Variants in DROSHA observed in about 807,000 individuals in gnomAD.
DROSHA encodes drosha ribonuclease III, also known as ribonuclease 3.
Under a neutral mutation model 181.9 loss-of-function variants are expected in DROSHA, and 56 were observed. The ratio of observed to expected loss-of-function variants is 0.31; its 90% CI spans 0.25 to 0.38. DROSHA has a LOEUF of 0.38. Among genes scored for constraint, DROSHA ranks in the 10% least tolerant of loss-of-function variants. DROSHA has a pLI of 1.00. For synonymous variants in DROSHA, 524 were observed against 591.2 expected, an observed-to-expected ratio of 0.89 and a Z score of 1.65; for missense variants, 1,218 against 1,743.5, an observed-to-expected ratio of 0.70 and a Z score of 5.37.
chr5:31,441,486 T>C (rs942695847), intron 23 of DROSHA, among the ~76,000 whole-genome samples: 1 of 152,210 alleles, frequency 6.6e-6, no homozygotes, highest in Admixed American at 6.5e-5. Context: ...AAGGACTTTT[T>C]TTTGTCGCTA....
chr5:31,499,398 T>G (rs1232788053), intron 11 of DROSHA, among the ~76,000 whole-genome samples: 1 of 152,140 alleles, frequency 6.6e-6, no homozygotes, highest in Non-Finnish European at 1.5e-5. Context: ...TAAGATGGTG[T>G]TTTGGAGCTC....
chr5:31,497,899 C>T (rs576784263), intron 11 of DROSHA, among the ~76,000 whole-genome samples: 8 of 152,348 alleles, frequency 5.3e-5, no homozygotes, highest in African/African-American at 1.9e-4. Flanking sequence ...ACAAGACGAA[C>T]AGCAGACGCA....
At chr5:31,526,940 A>C (rs755426237) in intron 4 of DROSHA, 28 bp from the exon 5 acceptor site, 3 of 1,587,298 alleles carry the variant, frequency 1.9e-6, no homozygotes, top group East Asian at 4.5e-5. Flanking sequence ...AAAAGGGAAA[A>C]GTTTTTTTAA....
chr5:31,515,768 T>C (rs1440454481), intron 6 of DROSHA, among the ~76,000 whole-genome samples: 1 of 152,216 alleles, frequency 6.6e-6, no homozygotes, highest in Non-Finnish European at 1.5e-5. Flanking sequence ...ACTTATGTCA[T>C]CCCTAACTGT....
intron 30 of DROSHA, among the ~76,000 whole-genome samples, chr5:31,415,259 G>C (rs1052342749): frequency 1.3e-5 from 2 of 152,226 alleles, no homozygotes; most frequent in Non-Finnish European, 2.9e-5. Flanking sequence ...TTATTTTGAG[G>C]GCTTAATATA....
intron 16 of DROSHA, among the ~76,000 whole-genome samples, chr5:31,475,444 G>C (rs933413333): frequency 5.3e-5 from 8 of 152,204 alleles, no homozygotes; most frequent in African/African-American, 1.9e-4. Flanking sequence ...CTCTCAGTCT[G>C]AGTCCATGAT....
rs573028264 is a variant in DROSHA, at chr5:31,463,673, A to G, written c.2574+563T>C. ...AAATTCCACCCATAGGAAAAACAAA[A>G]ATGCTTATTAGTCAGTCAGTTACAT... is the stretch of plus-strand genomic sequence containing the variant. On this transcript the variant is annotated intron_variant, in intron 20 of 35. Coordinates refer to ENST00000344624, the MANE Select transcript of DROSHA (RefSeq NM_001382508.1). Among the ~76,000 whole-genome samples the G allele has an allele frequency of 2.6e-5, 4 of 152,316 alleles. No homozygotes were observed. In the South Asian group the frequency reaches 8.3e-4, roughly 32 times the overall value.
intron 19 of DROSHA, among the ~76,000 whole-genome samples, chr5:31,465,237 C>A (rs1373821960): frequency 6.6e-6 from 1 of 152,132 alleles, no homozygotes; most frequent in Non-Finnish European, 1.5e-5. Context: ...CTCCCTGAGA[C>A]AATAATCTAT....
Position 31,401,209 on chromosome 5 carries a change from A to C in DROSHA, c.*223T>G. The C allele has an allele frequency of 2.0e-6, 1 of 510,632 alleles. No individual in the cohort carries two copies. The allele number at this position is 510,632 out of a possible 1,614,324, so 31.6% of individuals were successfully genotyped here. A position where few individuals can be genotyped will look rare whatever the true frequency, so the allele number is the denominator to read the frequency against. ...AAATAAAAGGAAGTAATGCACATTC[A>C]CCAAAGTCAAGTTTTCCGTTAAATA... On this transcript the variant is annotated 3_prime_UTR_variant, in exon 36 of 36. Transcript: ENST00000344624.
chr5:31,517,703 A>G (rs574782417), intron 6 of DROSHA, among the ~76,000 whole-genome samples: 10 of 152,232 alleles, frequency 6.6e-5, no homozygotes. Context: ...TCCTTGCATT[A>G]CTATTTTTCT....
intron 11 of DROSHA, among the ~76,000 whole-genome samples, chr5:31,498,028 G>T (rs542093363): frequency 6.6e-6 from 1 of 152,352 alleles, no homozygotes; most frequent in East Asian, 1.9e-4. Flanking sequence ...GTCCAGGTCA[G>T]TTACCAGGTG....
intron 30 of DROSHA, among the ~76,000 whole-genome samples, chr5:31,412,238 C>T (rs1315506116): frequency 6.6e-6 from 1 of 152,236 alleles, no homozygotes; most frequent in Non-Finnish European, 1.5e-5. Context: ...GGAACATAAT[C>T]ATCCCTGATC....
intron 11 of DROSHA, among the ~76,000 whole-genome samples, chr5:31,501,863 G>C (rs1248586550): frequency 6.6e-6 from 1 of 152,178 alleles, no homozygotes; most frequent in Non-Finnish European, 1.5e-5. Context: ...GCATGCTGTA[G>C]AACCTCACAC....
In DROSHA at chr5:31,527,290, C is replaced by T. The variant is rs564249223; in HGVS notation, c.21-378G>A. 8.5e-5 allele frequency among the ~76,000 whole-genome samples: 13 copies of T among 152,312 alleles called. 1 individual carries two copies. The South Asian group carries it at 2.7e-3, about 32-fold the overall frequency. On this transcript the variant is annotated intron_variant, in intron 4 of 35. Coordinates refer to ENST00000344624, the MANE Select transcript of DROSHA (RefSeq NM_001382508.1). ...ATCAAGGGGGCTTGCCTCCCCAGCCCCCACTCCCATCTCCAAATGCAGATT... is the reference window on the plus strand; with the variant it reads ...ATCAAGGGGGCTTGCCTCCCCAGCCTCCACTCCCATCTCCAAATGCAGATT...
intron 17 of DROSHA, among the ~76,000 whole-genome samples, chr5:31,471,663 A>T (rs567757765): frequency 1.4e-4 from 21 of 152,300 alleles, no homozygotes; most frequent in Admixed American, 4.6e-4. Context: ...AACATTTAGA[A>T]ATCAAAATAA....
intron 27 of DROSHA, among the ~76,000 whole-genome samples, chr5:31,424,687 G>A (rs918480070): frequency 6.6e-6 from 1 of 152,066 alleles, no homozygotes; most frequent in African/African-American, 2.4e-5. Flanking sequence ...AGCTACGGGG[G>A]AAAAGAGCCT....
At chr5:31,431,228 CTGTT>C (rs757101375) in intron 26 of DROSHA, among the ~76,000 whole-genome samples, 2 of 152,098 alleles carry the variant, frequency 1.3e-5, no homozygotes, top group South Asian at 2.1e-4. Flanking sequence ...GCAACCTAAT[CTGTT>C]TGTTTATGTA....
intron 15 of DROSHA, among the ~76,000 whole-genome samples, chr5:31,484,380 CAAAAAAAAAAAAAAA>C (rs377304788): frequency 1.2e-4 from 10 of 82,986 alleles, no homozygotes; most frequent in East Asian, 3.1e-4. Flanking sequence ...GACTCCGTCT[CAAAAAAAAAAAAAAA>C]AAAAAAAAAA....
Position 31,518,295 on chromosome 5 carries a change from C to T in DROSHA, c.948-2731G>A, listed in dbSNP as rs1739489154. Among the ~76,000 whole-genome samples the T allele has an allele frequency of 2.0e-5, 3 of 152,152 alleles. No individual in the cohort carries two copies. The South Asian group carries it at 6.2e-4, about 32-fold the overall frequency. On this transcript the variant is annotated intron_variant, in intron 6 of 35. Coordinates refer to ENST00000344624, the MANE Select transcript of DROSHA (RefSeq NM_001382508.1). ...TTGTATACAGTCTGTCACTGAAATG[C>T]CATGTGGTACGTGACTATATTGTGA...
Sources: allele counts gnomAD v4.1 joint callset (sites outside exome capture counted in the v4.1 genomes callset), GRCh38; gene constraint gnomAD v4.1.1; transcripts MANE v1.5; gene names NCBI Gene and HGNC (gene_info 2026-07-23, HGNC 2026-07-21).